Variants in KLHL1 observed in about 807,000 individuals in gnomAD.
KLHL1 encodes kelch-like protein 1.
Under a neutral mutation model 77.7 loss-of-function variants are expected in KLHL1, and 47 were observed. That is an observed-to-expected ratio of 0.60 (90% CI 0.48 to 0.77). KLHL1 has a LOEUF of 0.77. Among genes scored for constraint, KLHL1 ranks in the 30% least tolerant of loss-of-function variants. The pLI, the probability that KLHL1 is intolerant of heterozygous loss-of-function variation, is 0.00. For missense variants in KLHL1, 925 were observed against 910.8 expected, an observed-to-expected ratio of 1.02 and a Z score of -0.20; for synonymous variants, 360 against 325.2, an observed-to-expected ratio of 1.11 and a Z score of -1.15.
At chr13:69,776,410 T>G (rs1875830715) in intron 7 of KLHL1, among the ~76,000 whole-genome samples, 1 of 152,238 alleles carries the variant, frequency 6.6e-6, no homozygotes, top group African/African-American at 2.4e-5. Context: ...ATGAGCTGTA[T>G]GAACTTCAAC....
In KLHL1 at chr13:69,837,614, C is replaced by CTCTCTATA. The variant is rs570243891; in HGVS notation, c.1414+1361_1414+1362insTATAGAGA. Among the ~76,000 whole-genome samples the CTCTCTATA allele has an allele frequency of 4.3e-3, 589 of 136,400 alleles. 24 individuals are homozygous for CTCTCTATA. Among genetic ancestry groups the CTCTCTATA allele is most frequent in the African/African-American group, 0.017 (554 of 32,814 alleles). 89.5% of individuals were successfully genotyped at this position (136,400 alleles called of 152,430 possible). ...TATATATACACATACATCTCTCTCT[C>CTCTCTATA]TATATATATGTGTGTGTATATATAT... On this transcript the variant is annotated intron_variant, in intron 6 of 10. Transcript: ENST00000377844.
chr13:70,101,500 C>T (rs1046590305), intron 1 of KLHL1, among the ~76,000 whole-genome samples: 1 of 152,104 alleles, frequency 6.6e-6, no homozygotes, highest in Non-Finnish European at 1.5e-5. Context: ...GCGATCTCGG[C>T]TTACTGTAAC....
intron 9 of KLHL1, among the ~76,000 whole-genome samples, chr13:69,716,346 A>G (rs1195971119): frequency 1.3e-5 from 2 of 150,332 alleles, no homozygotes; most frequent in Non-Finnish European, 2.9e-5. Context: ...AAGCACAAGA[A>G]TATAGAGATG....
intron 6 of KLHL1, among the ~76,000 whole-genome samples, chr13:69,827,078 G>C (rs1330016442): frequency 2.0e-5 from 3 of 150,962 alleles, no homozygotes; most frequent in Non-Finnish European, 2.9e-5. Context: ...AATGTAATAT[G>C]TTACGTTAGA....
intron 7 of KLHL1, among the ~76,000 whole-genome samples, chr13:69,768,440 G>T (rs559397672): frequency 2.6e-5 from 4 of 152,090 alleles, no homozygotes; most frequent in Non-Finnish European, 5.9e-5. Flanking sequence ...AATAAAGGAA[G>T]AATGAAAGAA....
intron 8 of KLHL1, among the ~76,000 whole-genome samples, chr13:69,725,260 T>C (rs1328725046): frequency 2.6e-5 from 4 of 152,166 alleles, no homozygotes; most frequent in Non-Finnish European, 5.9e-5. Context: ...TTGGAAAATA[T>C]GGAGTAATGC....
At chr13:69,780,719 T>TATATATAC (rs1876123452) in intron 7 of KLHL1, among the ~76,000 whole-genome samples, 4 of 59,626 alleles carry the variant, frequency 6.7e-5, no homozygotes, top group Non-Finnish European at 1.5e-4. Flanking sequence ...TATATATGTA[T>TATATATAC]ATATATATAT....
chr13:69,861,923 C>A (rs1396678207), intron 5 of KLHL1, among the ~76,000 whole-genome samples: 1 of 150,628 alleles, frequency 6.6e-6, no homozygotes, highest in Non-Finnish European at 1.5e-5. Flanking sequence ...CAAGATCACA[C>A]CATTGCACTC....
chr13:69,782,396 G>A (rs1876270864), intron 7 of KLHL1, among the ~76,000 whole-genome samples: 1 of 152,220 alleles, frequency 6.6e-6, no homozygotes, highest in African/African-American at 2.4e-5. Flanking sequence ...AGGGGTCAGG[G>A]AGTTCCCTTT....
chr13:70,107,097 AC>A lies in KLHL1; in HGVS notation c.497+105del, dbSNP rs1308273373. 16 of 1,495,070 alleles carry A rather than the reference AC, an allele frequency of 1.1e-5. 1 individual carries two copies. The highest frequency in any genetic ancestry group is 1.3e-5 in the Non-Finnish European group (15 of 1,120,438). The allele number at this position is 1,495,070 out of a possible 1,614,324, so 92.6% of individuals were successfully genotyped here. ...AAACCAGGGTGGCATCTCTTAACCC[AC>A]ATTTTCAACCTGAAACATTTTAGAC... is the stretch of plus-strand genomic sequence containing the variant. On this transcript the variant is annotated intron_variant, in intron 1 of 10. Transcript: ENST00000377844.
At chr13:69,799,094 A>G (rs1209976422) in intron 6 of KLHL1, among the ~76,000 whole-genome samples, 2 of 60,806 alleles carry the variant, frequency 3.3e-5, no homozygotes, top group African/African-American at 1.7e-4. Context: ...TTGCATAAAG[A>G]AAAAAAAAAA....
At chr13:70,057,032 A>C (rs1035466283) in intron 1 of KLHL1, among the ~76,000 whole-genome samples, 1 of 152,154 alleles carries the variant, frequency 6.6e-6, no homozygotes, top group African/African-American at 2.4e-5. Flanking sequence ...GTGTGAAAAG[A>C]CAAACTAAAT....
At chr13:69,898,243 A>G (rs556825542) in intron 4 of KLHL1, among the ~76,000 whole-genome samples, 5 of 152,330 alleles carry the variant, frequency 3.3e-5, no homozygotes, top group East Asian at 3.9e-4. Flanking sequence ...CTGCCCTCCC[A>G]GTAAGCCTAA....
chr13:69,855,353 C>CTAT (rs1566329781), intron 5 of KLHL1, among the ~76,000 whole-genome samples: 5,729 of 104,496 alleles, frequency 0.055, 158 homozygotes, highest in Non-Finnish European at 0.063. Flanking sequence ...GATAGACAGA[C>CTAT]AGATAGATAC....
intron 5 of KLHL1, among the ~76,000 whole-genome samples, chr13:69,859,637 C>T (rs1880059195): frequency 6.6e-6 from 1 of 152,066 alleles, no homozygotes; most frequent in Non-Finnish European, 1.5e-5. Flanking sequence ...GGGATATGCT[C>T]AGTAAATCTA....
chr13:69,931,632 C>T (rs1593960686), intron 4 of KLHL1, among the ~76,000 whole-genome samples: 1 of 151,728 alleles, frequency 6.6e-6, no homozygotes. Flanking sequence ...TATGTGACCT[C>T]TTTGTTGGCT....
In KLHL1 at chr13:69,903,644, T is replaced by TTTTC. The variant is rs1349911172; in HGVS notation, c.1015-21150_1015-21149insGAAA. On this transcript the variant is annotated intron_variant, in intron 4 of 10. Transcript: ENST00000377844. ...TTGTTCACATTCTTTTTTTTTTTTT[T>TTTTC]TTTTTTTTTTTTTTTTGAGATGGAG... Among the ~76,000 whole-genome samples the TTTTC allele has an allele frequency of 6.7e-4, 78 of 116,240 alleles. 1 individual carries two copies. Among genetic ancestry groups the TTTTC allele is most frequent in the African/African-American group, 2.5e-3 (76 of 30,122 alleles). The allele number at this position is 116,240 out of a possible 152,430, so 76.3% of individuals were successfully genotyped here.
intron 2 of KLHL1, among the ~76,000 whole-genome samples, chr13:69,968,431 T>C (rs1210369931): frequency 6.6e-6 from 1 of 150,666 alleles, no homozygotes; most frequent in Admixed American, 6.6e-5. Flanking sequence ...CACTTCATTA[T>C]GGTAGTCTAG....
intron 1 of KLHL1, among the ~76,000 whole-genome samples, chr13:70,047,088 C>A (rs1169324438): frequency 6.6e-6 from 1 of 152,022 alleles, no homozygotes; most frequent in African/African-American, 2.4e-5. Context: ...CCAAACCCAA[C>A]AGTGAACACA....
Sources: gnomAD v4.1 joint callset for allele counts (sites outside exome capture counted in the v4.1 genomes callset) on GRCh38, gnomAD v4.1.1 for gene constraint, MANE v1.5 for transcripts, NCBI Gene and HGNC (gene_info 2026-07-23, HGNC 2026-07-21) for gene names.